Variants in TDRD10 observed in about 807,000 individuals in gnomAD.
TDRD10 encodes tudor domain-containing protein 10.
Under a neutral mutation model 48.0 loss-of-function variants are expected in TDRD10, and 40 were observed. That is an observed-to-expected ratio of 0.83 (90% CI 0.65 to 1.09). The LOEUF (loss-of-function observed/expected upper bound fraction) is 1.09, where lower values mean the gene tolerates loss of function less well. Among genes scored for constraint, TDRD10 ranks in the 50% least tolerant of loss-of-function variants. The pLI, the probability that TDRD10 is intolerant of heterozygous loss-of-function variation, is 0.00. For synonymous variants in TDRD10, 162 were observed against 170.4 expected, an observed-to-expected ratio of 0.95 and a Z score of 0.38; for missense variants, 378 against 434.7, an observed-to-expected ratio of 0.87 and a Z score of 1.16.
chr1:154,530,799 G>A (rs1244793395), intron 6 of TDRD10, among the ~76,000 whole-genome samples: 3 of 151,268 alleles, frequency 2.0e-5, no homozygotes, highest in Non-Finnish European at 4.4e-5. Flanking sequence ...TTTCTTCTGG[G>A]CCTCCAGTCT....
Position 154,547,419 on chromosome 1 carries a change from T to A in TDRD10, c.963T>A (p.Ser321Arg). The A allele has an allele frequency of 6.2e-7, 1 of 1,614,134 alleles. No individual in the cohort carries two copies. Among genetic ancestry groups the A allele is most frequent in the Non-Finnish European group, 8.5e-7 (1 of 1,180,018 alleles). The change falls in exon 12 of 13, where the codon AGT (serine) becomes AGA (arginine). Residue 321 changes from serine (S) to arginine (R), a missense_variant. Physicochemically the swap from Ser to Arg is moderately radical, Grantham distance 110 (BLOSUM62 -1). Coordinates refer to ENST00000368482, the MANE Select transcript of TDRD10 (RefSeq NM_182499.4). ...QPFMLEKDIL[S>R]SYEVVHRILK... ...TGTCTTGTTTTGCAGACATTTTGAG[T>A]TCGTATGAGGTTGTCCATCGAATCC... is the stretch of plus-strand genomic sequence containing the variant.
chr1:154,538,518 C>G (rs950557786), intron 6 of TDRD10, among the ~76,000 whole-genome samples: 7 of 140,498 alleles, frequency 5.0e-5, no homozygotes, highest in African/African-American at 5.3e-5. Flanking sequence ...CCATTGCACT[C>G]CAGCCTGGGC....
rs59844127 is a variant in TDRD10, at chr1:154,525,895, CAAAAAAAAAA to C, written c.369+4431_369+4440del. On this transcript the variant is annotated intron_variant, in intron 6 of 12. Transcript: ENST00000368482. ...TGGGCAACAGAGCAAGATTCCGTCT[CAAAAAAAAAA>C]AAAAAAAAAAAAAAGAGGCTGGGCG... Among the ~76,000 whole-genome samples, 351 of 52,994 alleles carry C rather than the reference CAAAAAAAAAA, an allele frequency of 6.6e-3. 4 individuals carry two copies. Among genetic ancestry groups the C allele is most frequent in the Middle Eastern group, 0.038 (2 of 52 alleles). The allele number at this position is 52,994 out of a possible 152,430, so 34.8% of individuals were successfully genotyped here.
At chr1:154,547,303 G>A in intron 11 of TDRD10, 106 bp from the exon 12 acceptor site, 2 of 1,160,544 alleles carry the variant, frequency 1.7e-6, no homozygotes, top group Non-Finnish European at 2.5e-6. Context: ...GAGCTGGTTG[G>A]CGGCCAGAGC....
rs779660254 is a variant in TDRD10, at chr1:154,533,889, A to T, written c.370-8135A>T. Among the ~76,000 whole-genome samples, 112 of 59,510 alleles carry T rather than the reference A, an allele frequency of 1.9e-3. 1 individual carries two copies. The highest frequency in any genetic ancestry group is 3.9e-3 in the African/African-American group (89 of 23,050). 39.0% of individuals were successfully genotyped at this position (59,510 alleles called of 152,430 possible). On this transcript the variant is annotated intron_variant, in intron 6 of 12. Coordinates refer to ENST00000368482, the MANE Select transcript of TDRD10 (RefSeq NM_182499.4). ...TGTGCCCAGCCATATATATATATAT[A>T]TATATTTTTTTTTAATTTTCTATTG...
rs1353485734 is a variant in TDRD10, at chr1:154,542,830, G to A, written c.503+9G>A. The stretch of plus-strand genomic sequence containing the variant: ...GTCCCGTTGGAAATGAGGTGAGCAA[G>A]GTATAGAAAGACCACCAGGGCAAAT... On this transcript the variant is annotated intron_variant, in intron 8 of 12. Transcript: ENST00000368482. 2 of 1,611,092 alleles carry A rather than the reference G, an allele frequency of 1.2e-6. No individual in the cohort carries two copies. The highest frequency in any genetic ancestry group is 1.3e-5 in the African/African-American group (1 of 74,950).
chr1:154,506,440 A>G (rs931350189), intron 1 of TDRD10, among the ~76,000 whole-genome samples: 4 of 151,222 alleles, frequency 2.6e-5, no homozygotes, highest in East Asian at 3.9e-4. Context: ...CAGTGGCCCA[A>G]TCTCAGCTCA....
rs1466417861 is a variant in TDRD10 at position 154,505,315 on chromosome 1, A to AAGGCC, written c.-27-1562_-27-1561insAGGCC. On this transcript the variant is annotated intron_variant, in intron 1 of 12. Transcript: ENST00000368482. ...CCTTAAAGGCATCTTGCACGGATTT[A>AAGGCC]TGCTGGGCCTTGGCTTGGGAGGTCT... is the stretch of plus-strand genomic sequence containing the variant. Among the ~76,000 whole-genome samples the AAGGCC allele has an allele frequency of 1.8e-4, 27 of 152,338 alleles. 1 individual carries two copies. In the East Asian group the frequency reaches 5.0e-3, roughly 28 times the overall value.
chr1:154,532,693 A>C (rs1026452274), intron 6 of TDRD10, among the ~76,000 whole-genome samples: 7 of 152,044 alleles, frequency 4.6e-5, no homozygotes, highest in African/African-American at 1.7e-4. Context: ...AGTGAGTTTC[A>C]CTGGAAACTT....
intron 4 of TDRD10, among the ~76,000 whole-genome samples, chr1:154,519,207 A>G (rs6674171): frequency 0.19 from 29,246 of 152,232 alleles, 3,059 homozygotes; most frequent in South Asian, 0.23. Flanking sequence ...TTGCTTGTTC[A>G]GCATCTTTTA....
rs796727454 is a variant in TDRD10 at position 154,524,386 on chromosome 1, C to T, written c.369+2907C>T. Among the ~76,000 whole-genome samples the T allele has an allele frequency of 1.8e-4, 28 of 152,190 alleles. 2 individuals are homozygous for T. The highest frequency in any genetic ancestry group is 2.9e-4 in the African/African-American group (12 of 41,538). ...TTCGCCATGTTGCCCAGGCTGGTCTCGAACTCCTGGGCTTAAGTGATCTGC... is the reference window on the plus strand; with the variant it reads ...TTCGCCATGTTGCCCAGGCTGGTCTTGAACTCCTGGGCTTAAGTGATCTGC... On this transcript the variant is annotated intron_variant, in intron 6 of 12. Coordinates refer to ENST00000368482, the MANE Select transcript of TDRD10 (RefSeq NM_182499.4).
At chr1:154,535,623 G>T (rs1226301486) in intron 6 of TDRD10, among the ~76,000 whole-genome samples, 1 of 152,138 alleles carries the variant, frequency 6.6e-6, no homozygotes, top group Non-Finnish European at 1.5e-5. Flanking sequence ...TGAGGTTGCA[G>T]TGAGCTATGA....
intron 4 of TDRD10, among the ~76,000 whole-genome samples, chr1:154,514,812 C>T (rs1184345596): frequency 6.6e-6 from 1 of 151,944 alleles, no homozygotes; most frequent in Admixed American, 6.6e-5. Context: ...CTCGGCTTCC[C>T]ATGTAGCTGG....
intron 1 of TDRD10, among the ~76,000 whole-genome samples, chr1:154,505,545 A>G (rs1197185008): frequency 2.0e-5 from 3 of 152,348 alleles, no homozygotes; most frequent in African/African-American, 7.2e-5. Context: ...ACACCTGGGA[A>G]TAATTTAGAG....
chr1:154,534,110 C>T (rs1286350426), intron 6 of TDRD10, among the ~76,000 whole-genome samples: 1 of 152,050 alleles, frequency 6.6e-6, no homozygotes, highest in Non-Finnish European at 1.5e-5. Flanking sequence ...GTCCATGAAA[C>T]ATTCCTGGCA....
rs1695387522 is a variant in TDRD10 at position 154,543,822 on chromosome 1, G to C, written c.504-141G>C. On this transcript the variant is annotated intron_variant, in intron 8 of 12. Coordinates refer to ENST00000368482, the MANE Select transcript of TDRD10 (RefSeq NM_182499.4). ...AACTGGCTTTAGCTCCCACCCTAGA[G>C]GGGGTGGGCACAGCCTTTCTGCTTA... is the stretch of plus-strand genomic sequence containing the variant. The C allele has an allele frequency of 7.1e-6, 9 of 1,265,314 alleles. No homozygotes were observed. In the Admixed American group the frequency reaches 1.4e-4, roughly 19 times the overall value. The allele number at this position is 1,265,314 out of a possible 1,614,324, so 78.4% of individuals were successfully genotyped here.
intron 3 of TDRD10, among the ~76,000 whole-genome samples, chr1:154,508,204 G>A (rs931487974): frequency 3.0e-4 from 46 of 152,128 alleles, no homozygotes; most frequent in African/African-American, 1.1e-3. Context: ...TATGTGCATG[G>A]GAATATTTTA....
At chr1:154,541,743 G>T (rs1283479984) in intron 6 of TDRD10, among the ~76,000 whole-genome samples, 1 of 152,204 alleles carries the variant, frequency 6.6e-6, no homozygotes, top group Non-Finnish European at 1.5e-5. Flanking sequence ...GGGGAAGGCT[G>T]CTGGGCAGCT....
At chr1:154,511,384 AG>A (rs1316186408) in intron 4 of TDRD10, among the ~76,000 whole-genome samples, 8 of 152,102 alleles carry the variant, frequency 5.3e-5, no homozygotes, top group Non-Finnish European at 1.0e-4. Context: ...CTGTAATCCC[AG>A]CACTTTGGGA....
Sources: gnomAD v4.1 joint callset for allele counts (sites outside exome capture counted in the v4.1 genomes callset) on GRCh38, gnomAD v4.1.1 for gene constraint, MANE v1.5 for transcripts, NCBI Gene and HGNC (gene_info 2026-07-23, HGNC 2026-07-21) for gene names.